The following DZANK1 variants were observed in gnomAD, a reference collection of about 807,000 sequenced individuals.
DZANK1 encodes double zinc ribbon and ankyrin repeat-containing protein 1.
A neutral mutation model predicts 94.5 loss-of-function variants in DZANK1; 91 were observed. The ratio of observed to expected loss-of-function variants is 0.96; its 90% confidence interval spans 0.81 to 1.15. DZANK1 has a LOEUF of 1.15. DZANK1 is among the 50% of genes most tolerant of loss of function. The pLI is 0.00. For missense variants in DZANK1, 903 were observed against 916.4 expected (o/e 0.99, Z 0.19); for synonymous variants, 312 against 325.3 (o/e 0.96, Z 0.44).
intron 19 of DZANK1, among the ~76,000 whole-genome samples, chr20:18,388,372 T>C (rs1046065008): frequency 6.6e-6 from 1 of 152,192 alleles, no homozygotes; most frequent in Non-Finnish European, 1.5e-5. Context: ...GAAGCAAACA[T>C]GGAAGCTGAG....
chr20:18,458,900 C>T (rs1044814074), intron 3 of DZANK1, among the ~76,000 whole-genome samples: 2 of 152,212 alleles, frequency 1.3e-5, no homozygotes, highest in Non-Finnish European at 2.9e-5. Flanking sequence ...GAGTTGAAAA[C>T]TCAAACGTTT....
chr20:18,411,730 T>A lies in DZANK1; in HGVS notation c.1432+916A>T, dbSNP rs2057265736. ...AGAAAATACTAGCAAACTGTCTTAG[T>A]CCATTTGTGCTGCTATAAACAAAAT... On this transcript the variant is annotated intron_variant, in intron 13 of 20. Coordinates refer to ENST00000262547, the Ensembl canonical transcript of DZANK1. Among the ~76,000 whole-genome samples the A allele has an allele frequency of 2.0e-5, 3 of 152,318 alleles. No individual in the cohort carries two copies. In the South Asian group the frequency reaches 6.2e-4, roughly 32 times the overall value.
intron 7 of DZANK1, 56 bp downstream of exon 7, chr20:18,448,928 G>A (rs1429640786): frequency 9.5e-7 from 1 of 1,048,078 alleles, no homozygotes; most frequent in Non-Finnish European, 1.4e-6. Context: ...AATTCTCTTT[G>A]ACCATGATGT....
chr20:18,411,743 C>G (rs1443347881), intron 13 of DZANK1, among the ~76,000 whole-genome samples: 2 of 152,166 alleles, frequency 1.3e-5, no homozygotes, highest in Non-Finnish European at 2.9e-5. Flanking sequence ...ATTTGTGCTG[C>G]TATAAACAAA....
intron 10 of DZANK1, among the ~76,000 whole-genome samples, chr20:18,416,386 C>A (rs886704444): frequency 2.0e-5 from 3 of 152,202 alleles, no homozygotes; most frequent in South Asian, 2.1e-4. Flanking sequence ...TTCCACTAGA[C>A]CCTGATTTCT....
Position 18,452,282 on chromosome 20 carries a change from A to G in DZANK1, c.543+333T>C, listed in dbSNP as rs717581. Among the ~76,000 whole-genome samples, 387 of 152,282 alleles carry G rather than the reference A, an allele frequency of 2.5e-3. 6 individuals carry two copies. Among genetic ancestry groups the G allele is most frequent in the Admixed American group, 0.021 (326 of 15,300 alleles). ...TCAGGCCTGAGAATGTGTGTTTCAA[A>G]TAAGTTCCCACGTGATGCTGATGCT... On this transcript the variant is annotated intron_variant, in intron 6 of 20. Transcript: ENST00000262547.
chr20:18,454,421 C>T, intron 4 of DZANK1: 1 of 180,388 alleles, frequency 5.5e-6, no homozygotes, highest in Non-Finnish European at 1.2e-5. Context: ...TTAAGTGAAA[C>T]CCCTATAAAC....
intron 9 of DZANK1, chr20:18,432,487 T>A (rs2058323016): frequency 6.6e-6 from 1 of 152,230 alleles, no homozygotes. Flanking sequence ...TAGTAAATTT[T>A]CCTCTACCTG....
At chr20:18,442,834 C>A (rs946332462) in intron 8 of DZANK1, among the ~76,000 whole-genome samples, 3 of 126,452 alleles carry the variant, frequency 2.4e-5, no homozygotes, top group African/African-American at 5.5e-5. Context: ...TTTTAGCAAG[C>A]CAAGTATGTT....
At chr20:18,417,186 A>G (rs2057536300) in intron 10 of DZANK1, among the ~76,000 whole-genome samples, 1 of 152,228 alleles carries the variant, frequency 6.6e-6, no homozygotes, top group African/African-American at 2.4e-5. Context: ...CTAAGCTCTG[A>G]TATACCATTC....
At chr20:18,455,266 A>C in exon 4 of DZANK1, 1 of 1,604,930 alleles carries the variant, frequency 6.2e-7, no homozygotes, top group Non-Finnish European at 8.5e-7. Flanking sequence ...AGAATCTTTG[A>C]GAACATTTTC....
chr20:18,408,636 A>G (rs1472714587), intron 13 of DZANK1, among the ~76,000 whole-genome samples: 1 of 152,218 alleles, frequency 6.6e-6, no homozygotes, highest in Non-Finnish European at 1.5e-5. Context: ...AAAAATTAAA[A>G]AAGTTTTACC....
intron 13 of DZANK1, 39 bp from the exon 14 acceptor site, chr20:18,398,665 C>T (rs766463003): frequency 1.3e-6 from 2 of 1,575,182 alleles, no homozygotes; most frequent in South Asian, 2.2e-5. Flanking sequence ...GGATGATTCT[C>T]CTGAGACTAA....
chr20:18,391,671 G>A (rs867416164), intron 17 of DZANK1, among the ~76,000 whole-genome samples: 9 of 152,192 alleles, frequency 5.9e-5, no homozygotes, highest in African/African-American at 1.4e-4. Context: ...TCTGGATCCC[G>A]GGCATGGCTG....
intron 3 of DZANK1, 26 bp from the exon 4 acceptor site, chr20:18,455,387 A>G (rs2059251827): frequency 6.6e-7 from 1 of 1,522,458 alleles, no homozygotes; most frequent in South Asian, 1.2e-5. Flanking sequence ...AAGAAAGGAA[A>G]AAGTCTGTGT....
At chr20:18,397,496 G>C (rs935549546) in intron 14 of DZANK1, among the ~76,000 whole-genome samples, 4 of 151,644 alleles carry the variant, frequency 2.6e-5, no homozygotes, top group African/African-American at 9.7e-5. Flanking sequence ...GTGTAGTCTT[G>C]GGCAGGTCAC....
At chr20:18,465,102 C>T (rs1279272535) in intron 2 of DZANK1, 148 bp downstream of exon 2, 3 of 561,202 alleles carry the variant, frequency 5.3e-6, no homozygotes, top group African/African-American at 1.9e-5. Context: ...CAATGTACAG[C>T]ACTGTTTCAA....
chr20:18,398,233 T>C (rs1383892485), intron 14 of DZANK1: 1 of 401,944 alleles, frequency 2.5e-6, no homozygotes, highest in Non-Finnish European at 4.7e-6. Context: ...TAAATTGTTC[T>C]GGGACCTTTC....
intron 17 of DZANK1, 87 bp downstream of exon 17, chr20:18,393,624 A>C (rs1427782294): frequency 2.4e-6 from 2 of 843,562 alleles, no homozygotes; most frequent in African/African-American, 1.7e-5. Context: ...ATGAGAAATT[A>C]TTCTTCCATT....
Sources: gnomAD v4.1 joint callset for allele counts (sites outside exome capture counted in the v4.1 genomes callset) on GRCh38, gnomAD v4.1.1 for gene constraint, MANE v1.5 for transcripts, NCBI Gene and HGNC (gene_info 2026-07-23, HGNC 2026-07-21) for gene names.